Variants in CNTN4 observed in about 807,000 individuals in gnomAD.
CNTN4 encodes contactin-4.
A neutral mutation model predicts 122.5 loss-of-function variants in CNTN4; 77 were observed. The ratio of observed to expected loss-of-function variants is 0.63; its 90% CI spans 0.52 to 0.76. CNTN4 has a LOEUF of 0.76. CNTN4 is among the 30% of genes least tolerant of loss of function. The pLI is 0.00. For missense variants in CNTN4, 1,256 were observed against 1,259.1 expected (o/e 1.00, Z 0.04); for synonymous variants, 512 against 447.0 (o/e 1.15, Z -1.83).
intron 3 of CNTN4, chr3:2,362,604 T>G (rs2045203943): frequency 2.0e-6 from 1 of 498,518 alleles, no homozygotes; most frequent in Non-Finnish European, 3.9e-6. Flanking sequence ...ACTCCTTGTG[T>G]GTAAGAAGAT....
intron 2 of CNTN4, among the ~76,000 whole-genome samples, chr3:2,209,865 G>A (rs974871311): frequency 3.9e-5 from 6 of 151,960 alleles, no homozygotes; most frequent in Admixed American, 3.3e-4. Flanking sequence ...AACTGGGTCC[G>A]TATTGACTTT....
chr3:2,190,354 T>C (rs74786554), intron 2 of CNTN4, among the ~76,000 whole-genome samples: 7 of 151,172 alleles, frequency 4.6e-5, no homozygotes, highest in African/African-American at 1.7e-4. Context: ...GAAATAATGA[T>C]AAAAAAAGAA....
At chr3:3,006,247 T>C (rs974039921) in intron 14 of CNTN4, among the ~76,000 whole-genome samples, 3 of 152,186 alleles carry the variant, frequency 2.0e-5, no homozygotes, top group African/African-American at 4.8e-5. Flanking sequence ...TTGAACTTCA[T>C]GTCACCCTCA....
chr3:2,376,548 G>C (rs1189939663), intron 3 of CNTN4, among the ~76,000 whole-genome samples: 3 of 152,040 alleles, frequency 2.0e-5, no homozygotes, highest in Non-Finnish European at 2.9e-5. Context: ...ATGAAGATAA[G>C]TGTTTTTGAT....
chr3:2,135,857 C>G (rs1559276938), intron 2 of CNTN4, among the ~76,000 whole-genome samples: 2 of 152,180 alleles, frequency 1.3e-5, no homozygotes, highest in African/African-American at 2.4e-5. Context: ...CAAGCCAGTG[C>G]TCTTAAATAG....
intron 2 of CNTN4, among the ~76,000 whole-genome samples, chr3:2,191,505 C>T (rs1373903281): frequency 6.6e-6 from 1 of 152,028 alleles, no homozygotes; most frequent in African/African-American, 2.4e-5. Context: ...TCTCAAACCT[C>T]CCTTCTGTAC....
intron 6 of CNTN4, among the ~76,000 whole-genome samples, chr3:2,769,051 A>T (rs1473145686): frequency 6.6e-6 from 1 of 152,220 alleles, no homozygotes; most frequent in Non-Finnish European, 1.5e-5. Flanking sequence ...ACTAGTAGGT[A>T]TCTGACATTT....
Position 3,043,618 on chromosome 3 carries a change from A to C in CNTN4, c.2725A>C (p.Ile909Leu), listed in dbSNP as rs748894794. The C allele has an allele frequency of 1.2e-6, 2 of 1,613,974 alleles. No homozygotes were observed. Among genetic ancestry groups the C allele is most frequent in the Non-Finnish European group, 1.7e-6 (2 of 1,179,802 alleles). Residue 909 changes from isoleucine to leucine, a missense_variant, in exon 23 of 25, where the codon ATA becomes CTA. Ile to Leu is a conservative substitution (Grantham distance 5). Transcript: ENST00000418658. ...ACCAAGTCAACCCCCCGGAAACATC[A>C]TATGGAATTCATCAGACTCCAAAAT... ...PPPSQPPGNI[I>L]WNSSDSKIIL...
intron 6 of CNTN4, among the ~76,000 whole-genome samples, chr3:2,787,450 A>G (rs891686255): frequency 6.6e-6 from 1 of 152,238 alleles, no homozygotes; most frequent in Non-Finnish European, 1.5e-5. Flanking sequence ...CTTAAGGAGT[A>G]AACCGAGGAG....
intron 4 of CNTN4, among the ~76,000 whole-genome samples, chr3:2,729,324 G>A (rs1315653871): frequency 1.3e-5 from 2 of 151,872 alleles, no homozygotes; most frequent in Non-Finnish European, 2.9e-5. Context: ...TAGCACTTTG[G>A]GAGGCCAAGG....
chr3:2,368,544 C>T (rs898140511), intron 3 of CNTN4, among the ~76,000 whole-genome samples: 1 of 152,108 alleles, frequency 6.6e-6, no homozygotes, highest in East Asian at 1.9e-4. Context: ...GGTTAATAGA[C>T]TACTAATTCC....
intron 13 of CNTN4, 28 bp from the exon 14 acceptor site, chr3:2,988,317 A>AT (rs750996179): frequency 6.2e-7 from 1 of 1,611,820 alleles, no homozygotes; most frequent in East Asian, 2.2e-5. Flanking sequence ...AAATTTCACC[A>AT]TTTTTGGTTC....
chr3:2,751,385 G>A (rs1472655210), intron 6 of CNTN4, among the ~76,000 whole-genome samples: 3 of 152,036 alleles, frequency 2.0e-5, no homozygotes, highest in Non-Finnish European at 2.9e-5. Flanking sequence ...CTCAAAGTTC[G>A]CTTTTACCCT....
chr3:2,920,817 C>CTT (rs10658919), intron 12 of CNTN4, among the ~76,000 whole-genome samples: 104,078 of 151,690 alleles, frequency 0.69, 35,786 homozygotes, highest in Middle Eastern at 0.72. Flanking sequence ...TTCATAATAA[C>CTT]GCCCAAAGGA....
At chr3:2,120,415 T>A (rs1412938706) in intron 2 of CNTN4, among the ~76,000 whole-genome samples, 35 of 115,634 alleles carry the variant, frequency 3.0e-4, no homozygotes, top group South Asian at 1.8e-3. Flanking sequence ...ATTTTTTTTT[T>A]TTTTTTTATG....
rs2032817215 is a variant in CNTN4 at position 2,109,979 on chromosome 3, G to A, written c.-145+9340G>A. On this transcript the variant is annotated intron_variant, in intron 2 of 24. Transcript: ENST00000418658. ...ACAAACAAGGTCATCTAGAATTCTT[G>A]GATCTAAGTAATGGTAAATTAAGAG... Among the ~76,000 whole-genome samples, 4 of 152,252 alleles carry A rather than the reference G, an allele frequency of 2.6e-5. No homozygotes were observed. The South Asian group carries it at 8.3e-4, about 32-fold the overall frequency.
intron 6 of CNTN4, among the ~76,000 whole-genome samples, chr3:2,779,179 T>C (rs1281095339): frequency 2.6e-5 from 4 of 152,166 alleles, no homozygotes; most frequent in Admixed American, 6.5e-5. Context: ...AACATCACGA[T>C]GTTGAAATGG....
intron 20 of CNTN4, among the ~76,000 whole-genome samples, chr3:3,040,561 A>G (rs977054228): frequency 6.6e-6 from 1 of 152,264 alleles, no homozygotes; most frequent in Non-Finnish European, 1.5e-5. Flanking sequence ...TGTTATCATT[A>G]CTTTCAAAAG....
At chr3:2,710,325 G>A (rs1366230841) in intron 4 of CNTN4, among the ~76,000 whole-genome samples, 1 of 152,162 alleles carries the variant, frequency 6.6e-6, no homozygotes, top group African/African-American at 2.4e-5. Context: ...AGCAATTGGA[G>A]AGGCAAAGGA....
Sources: gnomAD v4.1 joint callset for allele counts (sites outside exome capture counted in the v4.1 genomes callset) on GRCh38, gnomAD v4.1.1 for gene constraint, MANE v1.5 for transcripts, NCBI Gene and HGNC (gene_info 2026-07-23, HGNC 2026-07-21) for gene names.